The following ABCA4 variants were observed in gnomAD, a reference collection of about 807,000 sequenced individuals.
ABCA4 encodes the protein retinal-specific phospholipid-transporting ATPase ABCA4.
Under a neutral mutation model 263.7 loss-of-function variants are expected in ABCA4, and 196 were observed. That is an observed-to-expected ratio of 0.74 (90% CI 0.66 to 0.84). ABCA4 has a LOEUF of 0.84. Ranked by LOEUF, ABCA4 falls within the 40% of genes least tolerant of loss-of-function variation. The pLI, the probability that ABCA4 is intolerant of heterozygous loss-of-function variation, is 0.00. For synonymous variants in ABCA4, 1,133 were observed against 1,094.2 expected, an observed-to-expected ratio of 1.04 and a Z score of -0.70; for missense variants, 2,792 against 2,855.1, an observed-to-expected ratio of 0.98 and a Z score of 0.50.
Position 94,042,856 on chromosome 1 carries a change from C to A in ABCA4, c.3233G>T (p.Gly1078Val). 1 of 1,614,166 alleles carries A rather than the reference C, an allele frequency of 6.2e-7. No homozygotes were observed. Among genetic ancestry groups the A allele is most frequent in the Non-Finnish European group, 8.5e-7 (1 of 1,180,038 alleles). The change falls in exon 22 of 50, where the codon GGA (glycine) becomes GTA (valine). Residue 1078 changes from glycine to valine, a missense_variant. Gly to Val is a moderately radical substitution (Grantham distance 109). Transcript: ENST00000370225. The stretch of plus-strand genomic sequence containing the variant: ...GTCCAGAATCACCACCTTGGCATCT[C>A]CCACAAAGGCAATGGCAACCGACAG... ...RKLSVAIAFV[G>V]DAKVVILDEP... is the part of the protein sequence containing the mutation.
chr1:94,024,557 T>C (rs1659985485), intron 31 of ABCA4, among the ~76,000 whole-genome samples: 1 of 152,174 alleles, frequency 6.6e-6, no homozygotes, highest in South Asian at 2.1e-4. Context: ...TTACTTATTT[T>C]CTCTTTTTCT....
chr1:94,080,746 T>C (rs774336070), intron 7 of ABCA4, 28 bp from the exon 8 acceptor site: 2 of 1,614,048 alleles, frequency 1.2e-6, no homozygotes, highest in African/African-American at 2.7e-5. Context: ...CTTCAGGTTA[T>C]TTTAAGGCAG....
In ABCA4 at chr1:94,005,433, T is replaced by C. The variant is rs537690017; in HGVS notation, c.6147+8A>G. The C allele has an allele frequency of 2.2e-5, 35 of 1,614,052 alleles. No homozygotes were observed. The South Asian group carries it at 3.7e-4, about 17-fold the overall frequency. On this transcript the variant is annotated splice_region_variant and intron_variant, in intron 44 of 49. Coordinates refer to ENST00000370225, the MANE Select transcript of ABCA4 (RefSeq NM_000350.3). The stretch of plus-strand genomic sequence containing the variant: ...ACTCCTATGTGGCCACAACAAAACA[T>C]TTTTCACCTTTTCGATTTCTTCTGC...
At chr1:94,090,973 T>C (rs1327868952) in intron 6 of ABCA4, among the ~76,000 whole-genome samples, 1 of 152,088 alleles carries the variant, frequency 6.6e-6, no homozygotes, top group Non-Finnish European at 1.5e-5. Flanking sequence ...AGAGACAAAC[T>C]GATGACTGTG....
chr1:94,100,069 C>T (rs886343175), intron 5 of ABCA4, among the ~76,000 whole-genome samples: 1 of 152,186 alleles, frequency 6.6e-6, no homozygotes, highest in Admixed American at 6.5e-5. Context: ...CCCATGACAT[C>T]TAACGACGTG....
At chr1:94,085,747 C>T (rs937825690) in intron 6 of ABCA4, among the ~76,000 whole-genome samples, 4 of 152,198 alleles carry the variant, frequency 2.6e-5, no homozygotes, top group Non-Finnish European at 4.4e-5. Flanking sequence ...TCTCCTGCTT[C>T]TCTGCTGCCA....
chr1:94,016,364 G>A (rs1359508042), intron 36 of ABCA4, among the ~76,000 whole-genome samples: 1 of 152,168 alleles, frequency 6.6e-6, no homozygotes, highest in East Asian at 1.9e-4. Flanking sequence ...TCCTCAGGGG[G>A]CAACCTGCCG....
At position 94,060,986 on chromosome 1, in the gene ABCA4, C is replaced by T. The variant is rs75396612; in HGVS notation, c.1938-227G>A. ...CAGAGTGCTGGCTTTCTGGTTAGCCCGGGTGAATGCTCTGCAAGTAAAATG... is the reference window on the plus strand; with the variant it reads ...CAGAGTGCTGGCTTTCTGGTTAGCCTGGGTGAATGCTCTGCAAGTAAAATG... On this transcript the variant is annotated intron_variant, in intron 13 of 49. Coordinates refer to ENST00000370225, the MANE Select transcript of ABCA4 (RefSeq NM_000350.3). Among the ~76,000 whole-genome samples the T allele has an allele frequency of 8.1e-3, 1,236 of 152,236 alleles. 12 individuals carry two copies. Among genetic ancestry groups the T allele is most frequent in the African/African-American group, 0.028 (1,148 of 41,522 alleles).
intron 5 of ABCA4, among the ~76,000 whole-genome samples, chr1:94,102,038 T>C (rs1422434234): frequency 4.6e-5 from 7 of 152,164 alleles, no homozygotes; most frequent in African/African-American, 1.7e-4. Flanking sequence ...CTGGATTCCA[T>C]CTGGCTCTGA....
intron 6 of ABCA4, among the ~76,000 whole-genome samples, chr1:94,088,600 C>T (rs924463882): frequency 6.6e-6 from 1 of 152,224 alleles, no homozygotes; most frequent in African/African-American, 2.4e-5. Flanking sequence ...GCACCACTTT[C>T]TGTCTGGGAC....
chr1:94,117,072 C>G (rs71652552), intron 1 of ABCA4, among the ~76,000 whole-genome samples: 30,392 of 145,458 alleles, frequency 0.21, 3,610 homozygotes, highest in Middle Eastern at 0.32. Flanking sequence ...TTCTCTCTCT[C>G]TTCCTCTCTC....
chr1:94,063,654 G>A (rs983730430), intron 11 of ABCA4, among the ~76,000 whole-genome samples: 4 of 152,202 alleles, frequency 2.6e-5, no homozygotes, highest in African/African-American at 4.8e-5. Flanking sequence ...ATGGGGAGGC[G>A]AGGGAGTGGG....
Position 94,098,798 on chromosome 1 carries a change from C to T in ABCA4, c.764G>A (p.Arg255His), listed in dbSNP as rs148387660. ...GCAGCCAAACCCCTCCCTTACCACACGGAAGAGCTTGAAGAAGTCCACGTT... is the reference window on the plus strand; with the variant it reads ...GCAGCCAAACCCCTCCCTTACCACATGGAAGAGCTTGAAGAAGTCCACGTT... ...YANVDFFKLF[R>H]VLPTLLDSRS... The change falls in exon 6 of 50, where the codon CGT becomes CAT. Residue 255 changes from arginine (R) to histidine (H), a missense_variant. Physicochemically the swap from Arg to His is conservative, Grantham distance 29. Coordinates refer to ENST00000370225, the MANE Select transcript of ABCA4 (RefSeq NM_000350.3). The T allele has an allele frequency of 3.3e-5, 54 of 1,614,170 alleles. No homozygotes were observed. In the East Asian group the frequency reaches 4.7e-4, roughly 14 times the overall value.
chr1:94,030,392 C>T (rs759714094), intron 29 of ABCA4, 36 bp downstream of exon 29: 17 of 1,598,844 alleles, frequency 1.1e-5, no homozygotes, highest in Non-Finnish European at 1.5e-5. Context: ...CCCAGGGGAG[C>T]TAGTCTTCTT....
At position 94,046,473 on chromosome 1, in the gene ABCA4, A is replaced by AAAAG. The variant is rs1381778707; in HGVS notation, c.2918+442_2918+445dup. Reference sequence around the variant, plus strand: ...ACTATCTCAAAAAAAAAAAAAAAAAAAAAGAAAAGAAAAGAGAAAGGAAAT... The same window carrying AAAAG: ...ACTATCTCAAAAAAAAAAAAAAAAAAAAAGAAAGAAAAGAAAAGAGAAAGGAAAT... On this transcript the variant is annotated intron_variant, in intron 19 of 49. Transcript: ENST00000370225. Among the ~76,000 whole-genome samples, 1,051 of 120,514 alleles carry AAAAG rather than the reference A, an allele frequency of 8.7e-3. 39 individuals are homozygous for AAAAG. The highest frequency in any genetic ancestry group is 0.015 in the Middle Eastern group (3 of 206). 79.1% of individuals were successfully genotyped at this position (120,514 alleles called of 152,430 possible).
At chr1:94,011,191 G>T in intron 39 of ABCA4, 71 bp downstream of exon 39, 3 of 1,611,538 alleles carry the variant, frequency 1.9e-6, no homozygotes, top group Non-Finnish European at 2.5e-6. Flanking sequence ...GTCTGATGCA[G>T]GAGCCCCCCC....
intron 4 of ABCA4, among the ~76,000 whole-genome samples, chr1:94,103,753 A>G (rs1662347829): frequency 6.6e-6 from 1 of 152,166 alleles, no homozygotes; most frequent in South Asian, 2.1e-4. Context: ...TGAGATGCTC[A>G]GGGCACTGAC....
intron 6 of ABCA4, among the ~76,000 whole-genome samples, chr1:94,086,158 T>C (rs1378677134): frequency 6.6e-6 from 1 of 152,220 alleles, no homozygotes; most frequent in Non-Finnish European, 1.5e-5. Flanking sequence ...TAAATGATCT[T>C]ATCAGAATAA....
chr1:94,111,850 G>T (rs1662613710), intron 2 of ABCA4, among the ~76,000 whole-genome samples: 1 of 152,198 alleles, frequency 6.6e-6, no homozygotes, highest in African/African-American at 2.4e-5. Flanking sequence ...AGCAAGGGGG[G>T]ACACGTCATT....
Sources: gnomAD v4.1 joint callset for allele counts (sites outside exome capture counted in the v4.1 genomes callset) on GRCh38, gnomAD v4.1.1 for gene constraint, MANE v1.5 for transcripts, NCBI Gene and HGNC (gene_info 2026-07-23, HGNC 2026-07-21) for gene names.